The following HERC3 variants were observed in gnomAD, a reference collection of about 807,000 sequenced individuals.
The protein encoded by HERC3 is probable E3 ubiquitin-protein ligase HERC3.
A neutral mutation model predicts 129.9 loss-of-function variants in HERC3; 58 were observed. That is an observed-to-expected ratio of 0.45 (90% CI 0.36 to 0.56). The LOEUF (loss-of-function observed/expected upper bound fraction) is 0.56, where lower values mean the gene tolerates loss of function less well. Ranked by LOEUF, HERC3 falls within the 20% of genes least tolerant of loss-of-function variation. The pLI, the probability that HERC3 is intolerant of heterozygous loss-of-function variation, is 0.00. For synonymous variants in HERC3, 430 were observed against 451.0 expected (o/e 0.95, Z 0.59); for missense variants, 835 against 1,244.2 (o/e 0.67, Z 4.95).
At chr4:88,705,938 G>A (rs867469863) in intron 25 of HERC3, among the ~76,000 whole-genome samples, 1 of 152,220 alleles carries the variant, frequency 6.6e-6, no homozygotes, top group African/African-American at 2.4e-5. Flanking sequence ...ATTGGCTATT[G>A]AGAAGCAGTA....
chr4:88,664,135 CTTCTT>C lies in HERC3; in HGVS notation c.1272-11_1272-7del, dbSNP rs767591610. 3 of 1,604,512 alleles carry C rather than the reference CTTCTT, an allele frequency of 1.9e-6. No individual in the cohort carries two copies. The highest frequency in any genetic ancestry group is 2.2e-5 in the East Asian group (1 of 44,534). ...GTAATTATTAAAGGCTTCCCCCTCC[CTTCTT>C]TTCTTTGAGCAGTGGTGTTGTTCAG... On this transcript the variant is annotated splice_polypyrimidine_tract_variant and intron_variant, in intron 11 of 25. Transcript: ENST00000402738.
chr4:88,693,231 C>CA, intron 23 of HERC3: 1 of 978,194 alleles, frequency 1.0e-6, no homozygotes, highest in Non-Finnish European at 1.2e-6. Flanking sequence ...AAGACTATAT[C>CA]AAGTATCTTT....
intron 10 of HERC3, 113 bp from the exon 11 acceptor site, chr4:88,662,318 C>A (rs1730576082): frequency 6.6e-6 from 7 of 1,062,570 alleles, no homozygotes; most frequent in Non-Finnish European, 9.5e-6. Context: ...CGGCACACTG[C>A]AGCATTTAGA....
intron 3 of HERC3, among the ~76,000 whole-genome samples, chr4:88,607,708 A>G (rs574693294): frequency 2.2e-4 from 34 of 152,328 alleles, no homozygotes; most frequent in African/African-American, 7.5e-4. Context: ...AGCTCAAGCA[A>G]TCTGCCTGCC....
the HERC3 span, among the ~76,000 whole-genome samples, chr4:88,564,855 G>T: frequency 6.6e-6 from 1 of 151,832 alleles, no homozygotes; most frequent in Non-Finnish European, 1.5e-5. Context: ...TATGTAGGTG[G>T]TTATTGCTAT....
chr4:88,551,151 C>T, the HERC3 span, among the ~76,000 whole-genome samples: 1 of 152,018 alleles, frequency 6.6e-6, no homozygotes, highest in African/African-American at 2.4e-5. Flanking sequence ...GGATTAAAGA[C>T]TTAAACGTTA....
At chr4:88,531,933 GCTTAA>G in the HERC3 span, among the ~76,000 whole-genome samples, 1 of 152,242 alleles carries the variant, frequency 6.6e-6, no homozygotes, top group Admixed American at 6.5e-5. Context: ...TAGAGCATTA[GCTTAA>G]CACCAAAACT....
At chr4:88,648,675 T>G (rs1405117694) in intron 3 of HERC3, among the ~76,000 whole-genome samples, 1 of 152,218 alleles carries the variant, frequency 6.6e-6, no homozygotes, top group Non-Finnish European at 1.5e-5. Context: ...ATTTTGTTGG[T>G]CATTATTCTG....
rs778484286 is a variant in HERC3 at position 88,706,975 on chromosome 4, T to C, written c.*15T>C. 2.5e-6 allele frequency: 4 copies of C among 1,599,256 alleles called. No individual in the cohort carries two copies. The highest frequency in any genetic ancestry group is 3.4e-6 in the Non-Finnish European group (4 of 1,166,548). ...GTTTGGCCTGAGGCTTCTCAGCTTG[T>C]CCAGTATTTCCCTTCGTTCCTCAGT... On this transcript the variant is annotated 3_prime_UTR_variant, in exon 26 of 26. Transcript: ENST00000402738.
intron 11 of HERC3, among the ~76,000 whole-genome samples, chr4:88,663,688 T>C (rs1219636814): frequency 6.6e-6 from 1 of 152,238 alleles, no homozygotes; most frequent in Non-Finnish European, 1.5e-5. Context: ...GTAATGGGAA[T>C]AAGCACTTGT....
intron 3 of HERC3, among the ~76,000 whole-genome samples, chr4:88,648,524 T>TA (rs1242873020): frequency 6.6e-6 from 1 of 152,222 alleles, no homozygotes; most frequent in Non-Finnish European, 1.5e-5. Context: ...TCCATTGTCT[T>TA]ACAGTTTTCG....
At chr4:88,532,923 A>G in the HERC3 span, among the ~76,000 whole-genome samples, 1 of 152,226 alleles carries the variant, frequency 6.6e-6, no homozygotes, top group Non-Finnish European at 1.5e-5. Context: ...AACTAATAGG[A>G]TAGATGAATA....
the HERC3 span, among the ~76,000 whole-genome samples, chr4:88,530,742 C>A: frequency 6.6e-6 from 1 of 152,142 alleles, no homozygotes; most frequent in Non-Finnish European, 1.5e-5. Flanking sequence ...TTTTAAATGG[C>A]TTCTGTGTAT....
At chr4:88,531,415 T>C in the HERC3 span, among the ~76,000 whole-genome samples, 2 of 152,284 alleles carry the variant, frequency 1.3e-5, no homozygotes, top group African/African-American at 4.8e-5. Flanking sequence ...TTTTGAAATA[T>C]AAACTTTAAA....
chr4:88,621,091 C>T (rs1015050361), intron 3 of HERC3, among the ~76,000 whole-genome samples: 1 of 152,100 alleles, frequency 6.6e-6, no homozygotes, highest in African/African-American at 2.4e-5. Flanking sequence ...TTGTGTGGCA[C>T]ATAGTGAGTG....
chr4:88,687,822 T>C (rs1437871059), intron 23 of HERC3, among the ~76,000 whole-genome samples: 1 of 152,220 alleles, frequency 6.6e-6, no homozygotes, highest in African/African-American at 2.4e-5. Context: ...AGAGTCTGGA[T>C]CATAACAACA....
intron 3 of HERC3, among the ~76,000 whole-genome samples, chr4:88,609,187 G>T (rs1271131282): frequency 6.6e-6 from 1 of 151,764 alleles, no homozygotes; most frequent in Non-Finnish European, 1.5e-5. Flanking sequence ...GGAGGTTGAG[G>T]TTGGAAGGTC....
At chr4:88,665,267 C>T (rs1331631705) in intron 12 of HERC3, among the ~76,000 whole-genome samples, 1 of 152,128 alleles carries the variant, frequency 6.6e-6, no homozygotes, top group African/African-American at 2.4e-5. Context: ...ATCTGGAGAA[C>T]CAGGCGAGCC....
chr4:88,601,247 TCAA>T (rs1387108658), intron 2 of HERC3, among the ~76,000 whole-genome samples: 178 of 152,312 alleles, frequency 1.2e-3, no homozygotes, highest in African/African-American at 3.3e-3. Flanking sequence ...CCTGAAAGCC[TCAA>T]GAGTTCAAAG....
Sources: allele counts gnomAD v4.1 joint callset (sites outside exome capture counted in the v4.1 genomes callset), GRCh38; gene constraint gnomAD v4.1.1; transcripts MANE v1.5; gene names NCBI Gene and HGNC (gene_info 2026-07-23, HGNC 2026-07-21).